Variants in GLCCI1 observed in about 807,000 individuals in gnomAD.
GLCCI1 encodes the protein glucocorticoid induced 1.
GLCCI1 carries 24 observed loss-of-function variants against 52.2 expected under a neutral mutation model. The observed-to-expected ratio is 0.46, with a 90% CI of 0.33 to 0.65. The LOEUF (loss-of-function observed/expected upper bound fraction) is 0.65, where lower values mean the gene tolerates loss of function less well. Among genes scored for constraint, GLCCI1 ranks in the 30% least tolerant of loss-of-function variants. GLCCI1 has a pLI of 0.02. For synonymous variants in GLCCI1, 310 were observed against 276.5 expected (o/e 1.12, Z -1.20); for missense variants, 704 against 701.5 (o/e 1.00, Z -0.04).
At position 8,055,478 on chromosome 7, in the gene GLCCI1, A is replaced by C. The variant is rs770018741; in HGVS notation, c.742A>C (p.Ser248Arg). 3.7e-6 allele frequency: 6 copies of C among 1,614,046 alleles called. No individual in the cohort carries two copies. Among genetic ancestry groups the C allele is most frequent in the Non-Finnish European group, 8.5e-7 (1 of 1,179,920 alleles). The change falls in exon 4 of 8, where the codon AGT (serine) becomes CGT (arginine). Residue 248 changes from serine (S) to arginine (R), a missense_variant. Transcript: ENST00000223145. ...RQQLQRSKQS[S>R]RHSKEKDRQS... ...GCAACTACAACGCAGTAAACAGAGT[A>C]GTCGTCACAGTAAGGAGAAAGATCG...
rs1416655114 is a variant in GLCCI1 at position 7,969,630 on chromosome 7, A to G, written c.280A>G (p.Ser94Gly). The change falls in exon 1 of 8, where the codon AGC becomes GGC. Residue 94 changes from serine (S) to glycine (G), a missense_variant. Coordinates refer to ENST00000223145, the MANE Select transcript of GLCCI1 (RefSeq NM_138426.4). The surrounding 1 kb of genome is among the most constrained non-coding windows in gnomAD (Gnocchi z 4.9). ...PVAAAAASLG[S>G]LPGPGAARGP... is the part of the protein sequence containing the mutation. Reference sequence around the variant, plus strand: ...CGCCGCTGCCGCCGCCTCGCTGGGCAGCCTCCCGGGGCCCGGCGCGGCCCG... The same window carrying G: ...CGCCGCTGCCGCCGCCTCGCTGGGCGGCCTCCCGGGGCCCGGCGCGGCCCG... 2.0e-6 allele frequency: 2 copies of G among 1,019,018 alleles called. No individual in the cohort carries two copies. Among genetic ancestry groups the G allele is most frequent in the African/African-American group, 1.8e-5 (1 of 57,098 alleles). The allele number at this position is 1,019,018 out of a possible 1,614,324, so 63.1% of individuals were successfully genotyped here.
In GLCCI1 at chr7:8,086,768, G is replaced by A; in HGVS notation, c.*230G>A. The A allele has an allele frequency of 9.6e-6, 5 of 519,220 alleles. No individual in the cohort carries two copies. The highest frequency in any genetic ancestry group is 1.7e-5 in the Non-Finnish European group (5 of 294,692). The allele number at this position is 519,220 out of a possible 1,614,324, so 32.2% of individuals were successfully genotyped here. On this transcript the variant is annotated 3_prime_UTR_variant, in exon 8 of 8. Transcript: ENST00000223145. The surrounding 1 kb of genome is among the most constrained non-coding windows in gnomAD (Gnocchi z 4.4). ...TGTGTCATTCAGCATTTTAAGTGGA[G>A]ACTATGCATTTCATAGTATATTTGA...
Position 7,969,828 on chromosome 7 carries a change from G to A in GLCCI1, c.457+21G>A. On this transcript the variant is annotated intron_variant, in intron 1 of 7. Transcript: ENST00000223145. This position sits in a 1 kb window ranked among gnomAD's most constrained non-coding sequence, Gnocchi z 4.9. ...CAGAGGTAGCGAGCCCAACCCTCCC[G>A]TCCTCCCGGGCTGCGTCTCCCCGAC... 1.4e-6 allele frequency: 2 copies of A among 1,420,354 alleles called. No individual in the cohort carries two copies. Among genetic ancestry groups the A allele is most frequent in the Non-Finnish European group, 1.8e-6 (2 of 1,084,668 alleles). 88.0% of individuals were successfully genotyped at this position (1,420,354 alleles called of 1,614,324 possible).
At chr7:7,977,673 GA>G (rs1300617789) in intron 1 of GLCCI1, among the ~76,000 whole-genome samples, 10 of 152,140 alleles carry the variant, frequency 6.6e-5, no homozygotes, top group Non-Finnish European at 1.0e-4. Flanking sequence ...GTTGGGTAGG[GA>G]AAAGATTGAG....
intron 5 of GLCCI1, among the ~76,000 whole-genome samples, 160 bp downstream of exon 5, chr7:8,060,408 T>A (rs911547035): frequency 1.3e-5 from 2 of 152,214 alleles, no homozygotes; most frequent in Non-Finnish European, 2.9e-5. Flanking sequence ...TTCAGAGTTA[T>A]ACAACTGTCA....
At position 7,969,230 on chromosome 7, in the gene GLCCI1, T is replaced by A; in HGVS notation, c.-121T>A. On this transcript the variant is annotated 5_prime_UTR_variant, in exon 1 of 8. Coordinates refer to ENST00000223145, the MANE Select transcript of GLCCI1 (RefSeq NM_138426.4). The surrounding 1 kb of genome is among the most constrained non-coding windows in gnomAD (Gnocchi z 4.9). ...CCCCGAGACTCCTCCCCCACAGCGA[T>A]ACCCCCGCCCCTCCCCCTTACACAC... 4 of 518,346 alleles carry A rather than the reference T, an allele frequency of 7.7e-6. No individual in the cohort carries two copies. Among genetic ancestry groups the A allele is most frequent in the East Asian group, 9.5e-5 (1 of 10,552 alleles). The allele number at this position is 518,346 out of a possible 1,614,324, so 32.1% of individuals were successfully genotyped here. A position where few individuals can be genotyped will look rare whatever the true frequency, so the allele number is the denominator to read the frequency against.
At chr7:8,073,455 A>G (rs1319640599) in intron 6 of GLCCI1, among the ~76,000 whole-genome samples, 2 of 152,036 alleles carry the variant, frequency 1.3e-5, no homozygotes, top group African/African-American at 4.8e-5. Context: ...TTTTGTTCCT[A>G]CATACCAGAT....
At position 8,010,561 on chromosome 7, in the gene GLCCI1, A is replaced by G. The variant is rs957245385; in HGVS notation, c.609+6502A>G. Among the ~76,000 whole-genome samples, 3 of 152,204 alleles carry G rather than the reference A, an allele frequency of 2.0e-5. No homozygotes were observed. In the South Asian group the frequency reaches 6.2e-4, roughly 31 times the overall value. On this transcript the variant is annotated intron_variant, in intron 2 of 7. Transcript: ENST00000223145. ...AATTATCCCAGAATGTTTTTAATTCAGCTAAATTAAAAGAAGTAAATATTT... is the reference window on the plus strand; with the variant it reads ...AATTATCCCAGAATGTTTTTAATTCGGCTAAATTAAAAGAAGTAAATATTT...
chr7:8,037,998 G>A (rs4725058), intron 3 of GLCCI1, among the ~76,000 whole-genome samples: 115,423 of 152,058 alleles, frequency 0.76, 44,243 homozygotes, highest in African/African-American at 0.87. Context: ...CAGAAAGTCA[G>A]CAAAGAAACA....
intron 1 of GLCCI1, among the ~76,000 whole-genome samples, chr7:7,997,250 G>A (rs1489193785): frequency 6.6e-6 from 1 of 151,704 alleles, no homozygotes; most frequent in East Asian, 1.9e-4. Context: ...ATAACTGCAA[G>A]GCAAGGAGAA....
In GLCCI1 at chr7:8,086,264, G is replaced by C; in HGVS notation, c.1370G>C (p.Gly457Ala). ...DKNKVNFIPT[G>A]SAFCPVKLLG... ...AACAAGGTTAATTTCATCCCAACCG[G>C]ATCAGCTTTCTGTCCTGTAAAACTT... Residue 457 changes from glycine to alanine, a missense_variant, in exon 8 of 8, where the codon GGA becomes GCA. Gly to Ala is a moderately conservative substitution (Grantham distance 60). Transcript: ENST00000223145. The surrounding 1 kb of genome is among the most constrained non-coding windows in gnomAD (Gnocchi z 4.4). 3 of 1,614,132 alleles carry C rather than the reference G, an allele frequency of 1.9e-6. No homozygotes were observed. Among genetic ancestry groups the C allele is most frequent in the Non-Finnish European group, 2.5e-6 (3 of 1,180,018 alleles).
intron 1 of GLCCI1, among the ~76,000 whole-genome samples, chr7:7,992,124 T>A (rs1213119420): frequency 2.4e-4 from 36 of 151,090 alleles, no homozygotes; most frequent in African/African-American, 8.0e-4. Context: ...TCTCTCTCTC[T>A]CTCTCATATA....
chr7:7,973,440 G>GTA (rs1487059008), intron 1 of GLCCI1, among the ~76,000 whole-genome samples: 1 of 151,196 alleles, frequency 6.6e-6, no homozygotes, highest in African/African-American at 2.4e-5. Context: ...GTGTGTGTGT[G>GTA]TTTTGTAAAG....
chr7:7,971,573 A>G (rs1474356575), intron 1 of GLCCI1, among the ~76,000 whole-genome samples: 4 of 152,188 alleles, frequency 2.6e-5, no homozygotes, highest in African/African-American at 9.6e-5. Context: ...AATTGCTGCA[A>G]CAACATAATG....
At chr7:8,046,812 C>T (rs1782139670) in intron 3 of GLCCI1, among the ~76,000 whole-genome samples, 1 of 152,130 alleles carries the variant, frequency 6.6e-6, no homozygotes, top group Non-Finnish European at 1.5e-5. Context: ...TCATATTTGG[C>T]TCAGAATAAA....
intron 3 of GLCCI1, among the ~76,000 whole-genome samples, chr7:8,052,214 G>A (rs1488773423): frequency 7.9e-5 from 12 of 152,086 alleles, no homozygotes; most frequent in Non-Finnish European, 8.8e-5. Context: ...GCTTGGTCTA[G>A]CCTGGATTTA....
intron 3 of GLCCI1, among the ~76,000 whole-genome samples, chr7:8,054,714 C>G (rs1272851994): frequency 6.6e-6 from 1 of 151,906 alleles, no homozygotes; most frequent in Non-Finnish European, 1.5e-5. Flanking sequence ...GAAAATAATA[C>G]CAATATTAAA....
intron 3 of GLCCI1, among the ~76,000 whole-genome samples, chr7:8,034,292 A>G (rs1243040048): frequency 6.6e-6 from 1 of 152,172 alleles, no homozygotes; most frequent in Non-Finnish European, 1.5e-5. Context: ...CTAAAATTCT[A>G]AAACTTCTAG....
At chr7:8,024,403 A>G (rs1358957812) in intron 3 of GLCCI1, among the ~76,000 whole-genome samples, 1 of 152,266 alleles carries the variant, frequency 6.6e-6, no homozygotes, top group African/African-American at 2.4e-5. Context: ...CTGGCTTACT[A>G]TAACTACATG....
Sources: allele counts gnomAD v4.1 joint callset (sites outside exome capture counted in the v4.1 genomes callset), GRCh38; gene constraint gnomAD v4.1.1; non-coding constraint Gnocchi (gnomAD v3.1); transcripts MANE v1.5; gene names NCBI Gene and HGNC (gene_info 2026-07-23, HGNC 2026-07-21).